The following DOCK9 variants were observed in gnomAD, a reference collection of about 807,000 sequenced individuals.
DOCK9 encodes dedicator of cytokinesis protein 9.
In DOCK9, 89 loss-of-function variants were observed where a neutral mutation model predicts 263.3. That is an observed-to-expected ratio of 0.34 (90% CI 0.28 to 0.40). The LOEUF (loss-of-function observed/expected upper bound fraction) is 0.40, where lower values mean the gene tolerates loss of function less well. Among genes scored for constraint, DOCK9 ranks in the 10% least tolerant of loss-of-function variants. The probability of loss-of-function intolerance (pLI) is 1.00; values close to 1 mark genes in which losing one functional copy is unlikely to be tolerated. For missense variants in DOCK9, 2,140 were observed against 2,603.4 expected, an observed-to-expected ratio of 0.82 and a Z score of 3.87; for synonymous variants, 976 against 973.1, an observed-to-expected ratio of 1.00 and a Z score of -0.06.
At chr13:99,009,472 C>T (rs751986268) in intron 1 of DOCK9, among the ~76,000 whole-genome samples, 9 of 152,076 alleles carry the variant, frequency 5.9e-5, no homozygotes, top group Non-Finnish European at 8.8e-5. Flanking sequence ...AAGCAGGCTC[C>T]GGGCCTTCAT....
rs530376469 is a variant in DOCK9 at position 98,978,002 on chromosome 13, A to C, written c.-93T>G. ...CACAGGCATGCCAGTGGTCCAAGGA[A>C]GGAAAGGAAACTGGCTTCCCAGGCA... On this transcript the variant is annotated 5_prime_UTR_variant, in exon 1 of 53. Transcript: ENST00000682017. 1 of 1,465,576 alleles carries C rather than the reference A, an allele frequency of 6.8e-7. No homozygotes were observed. The highest frequency in any genetic ancestry group is 9.0e-7 in the Non-Finnish European group (1 of 1,109,528). 90.8% of individuals were successfully genotyped at this position (1,465,576 alleles called of 1,614,324 possible). A position where few individuals can be genotyped will look rare whatever the true frequency, so the allele number is the denominator to read the frequency against.
At chr13:98,951,607 T>C (rs917121596) in intron 2 of DOCK9, among the ~76,000 whole-genome samples, 10 of 152,210 alleles carry the variant, frequency 6.6e-5, no homozygotes, top group Admixed American at 3.3e-4. Flanking sequence ...ATGTGCACGG[T>C]GCAGACAGGC....
intron 38 of DOCK9, among the ~76,000 whole-genome samples, chr13:98,840,466 T>C (rs2093170944): frequency 1.3e-5 from 2 of 152,196 alleles, no homozygotes; most frequent in South Asian, 2.1e-4. Context: ...CAATTTTCAT[T>C]CTGTTGTCAT....
intron 2 of DOCK9, among the ~76,000 whole-genome samples, chr13:98,952,187 C>CG (rs1567072093): frequency 6.7e-6 from 1 of 149,698 alleles, no homozygotes; most frequent in East Asian, 2.0e-4. Flanking sequence ...TGTGAGCCAC[C>CG]GTGCCCAGCC....
intron 1 of DOCK9, among the ~76,000 whole-genome samples, chr13:99,042,846 A>G (rs1003887636): frequency 3.9e-5 from 6 of 152,198 alleles, no homozygotes; most frequent in African/African-American, 1.4e-4. Flanking sequence ...AAATTTTTAT[A>G]CATCCAATTA....
intron 1 of DOCK9, among the ~76,000 whole-genome samples, chr13:98,957,654 TTTTA>T (rs2058206317): frequency 6.6e-6 from 1 of 152,322 alleles, no homozygotes; most frequent in South Asian, 2.1e-4. Context: ...AGATTTACTC[TTTTA>T]TTTGTTTGTC....
At chr13:99,039,324 T>C (rs2142116228) in intron 1 of DOCK9, among the ~76,000 whole-genome samples, 1 of 152,074 alleles carries the variant, frequency 6.6e-6, no homozygotes, top group African/African-American at 2.4e-5. Flanking sequence ...GGTGTGAAAA[T>C]GGCTCTACAA....
chr13:98,810,427 C>A (rs906416576), intron 45 of DOCK9, 136 bp from the exon 46 acceptor site: 30 of 1,088,978 alleles, frequency 2.8e-5, no homozygotes, highest in Non-Finnish European at 3.8e-5. Flanking sequence ...ACACTCACTT[C>A]CACACTTACA....
chr13:98,914,223 A>C, intron 9 of DOCK9, 105 bp downstream of exon 9: 2 of 952,502 alleles, frequency 2.1e-6, no homozygotes, highest in Non-Finnish European at 3.1e-6. Context: ...GGTAATCACA[A>C]TGTAATTTTT....
At chr13:98,943,509 T>A (rs886602939) in intron 2 of DOCK9, among the ~76,000 whole-genome samples, 1 of 152,188 alleles carries the variant, frequency 6.6e-6, no homozygotes, top group African/African-American at 2.4e-5. Context: ...TTCCATTTCC[T>A]TTAAGGACTC....
chr13:98,857,089 C>T (rs9517466), intron 33 of DOCK9: 142,017 of 152,288 alleles, frequency 0.93, 66,999 homozygotes, highest in East Asian at 1. Context: ...TAATTTAAAA[C>T]GACTCTTTGG....
intron 32 of DOCK9, 70 bp from the exon 33 acceptor site, chr13:98,860,592 G>A (rs746571837): frequency 1.4e-6 from 2 of 1,434,572 alleles, no homozygotes; most frequent in Non-Finnish European, 1.9e-6. Context: ...TCTTGGAAGT[G>A]CCAGGGCAAG....
chr13:98,998,919 T>TGGGTGGTG (rs1881658197), intron 1 of DOCK9, among the ~76,000 whole-genome samples: 1 of 152,006 alleles, frequency 6.6e-6, no homozygotes, highest in South Asian at 2.1e-4. Context: ...TCACAATAAG[T>TGGGTGGTG]GGGTGGTGGA....
At chr13:98,911,499 T>A (rs576392662) in intron 9 of DOCK9, among the ~76,000 whole-genome samples, 2 of 152,236 alleles carry the variant, frequency 1.3e-5, no homozygotes, top group Non-Finnish European at 2.9e-5. Context: ...ATATCTTTTA[T>A]ATCACTATGC....
chr13:98,817,774 TAAAAAA>T (rs34195275), intron 45 of DOCK9, among the ~76,000 whole-genome samples: 1 of 115,398 alleles, frequency 8.7e-6, no homozygotes, highest in Non-Finnish European at 1.8e-5. Context: ...TTATATTTGC[TAAAAAA>T]AAAAAAAAAA....
chr13:98,887,112 C>T (rs1466602481), intron 18 of DOCK9, among the ~76,000 whole-genome samples: 1 of 126,168 alleles, frequency 7.9e-6, no homozygotes, highest in Non-Finnish European at 1.7e-5. Context: ...TTCTTGAGGA[C>T]AGATACTATA....
intron 1 of DOCK9, chr13:99,025,299 C>T (rs1260319785): frequency 6.6e-6 from 1 of 152,102 alleles, no homozygotes; most frequent in East Asian, 1.9e-4. Flanking sequence ...CTGGCATGGT[C>T]CCTGCACAAG....
chr13:98,895,570 C>T (rs1357774630), intron 15 of DOCK9, among the ~76,000 whole-genome samples: 1 of 151,270 alleles, frequency 6.6e-6, no homozygotes, highest in Non-Finnish European at 1.5e-5. Flanking sequence ...GAGGCTGAGG[C>T]AGGAGAATCG....
intron 1 of DOCK9, among the ~76,000 whole-genome samples, chr13:99,002,663 T>C (rs1242856872): frequency 6.6e-6 from 1 of 152,218 alleles, no homozygotes; most frequent in African/African-American, 2.4e-5. Flanking sequence ...TCTCATCTTT[T>C]TCTCACTCTT....
Sources: allele counts gnomAD v4.1 joint callset (sites outside exome capture counted in the v4.1 genomes callset), GRCh38; gene constraint gnomAD v4.1.1; transcripts MANE v1.5; gene names NCBI Gene and HGNC (gene_info 2026-07-23, HGNC 2026-07-21).